Variants in OTUB2 observed in about 807,000 individuals in gnomAD.
OTUB2 encodes the protein OTU deubiquitinase, ubiquitin aldehyde binding 2, also known as ubiquitin thioesterase OTUB2.
Under a neutral mutation model 25.1 loss-of-function variants are expected in OTUB2, and 21 were observed. The observed-to-expected ratio is 0.84, with a 90% CI of 0.59 to 1.21. The LOEUF is 1.21. Ranked by LOEUF, OTUB2 falls within the 50% of genes most tolerant of loss-of-function variation. OTUB2 has a pLI of 0.00. For missense variants in OTUB2, 283 were observed against 298.0 expected (o/e 0.95, Z 0.37); for synonymous variants, 122 against 122.8 (o/e 0.99, Z 0.04).
At position 94,026,414 on chromosome 14, in the gene OTUB2, G is replaced by GC. The variant is rs1325521807; in HGVS notation, c.-119dup. On this transcript the variant is annotated 5_prime_UTR_variant, in exon 1 of 6. Coordinates refer to ENST00000203664, the MANE Select transcript of OTUB2 (RefSeq NM_023112.4). ...GGAGCGGTCGGGTGTATTCTCCGCC[G>GC]CCCCCACGCCCTCGAGGTCCCCGCC... 16 of 1,284,914 alleles carry GC rather than the reference G, an allele frequency of 1.2e-5. No homozygotes were observed. Among genetic ancestry groups the GC allele is most frequent in the Non-Finnish European group, 1.6e-5 (16 of 1,014,806 alleles). 79.6% of individuals were successfully genotyped at this position (1,284,914 alleles called of 1,614,324 possible). A position where few individuals can be genotyped will look rare whatever the true frequency, so the allele number is the denominator to read the frequency against.
At chr14:94,043,854 C>A in intron 3 of OTUB2, 117 bp from the exon 4 acceptor site, 1 of 890,368 alleles carries the variant, frequency 1.1e-6, no homozygotes, top group Non-Finnish European at 1.9e-6. Context: ...GGAGGTTCTG[C>A]GGCTGGACTA....
chr14:94,038,124 G>A (rs1885090907), intron 2 of OTUB2, among the ~76,000 whole-genome samples: 1 of 152,258 alleles, frequency 6.6e-6, no homozygotes, highest in African/African-American at 2.4e-5. Context: ...TCTCAGACAC[G>A]CAGCACCGTT....
In OTUB2 at chr14:94,045,765, T is replaced by C. The variant is rs559668753; in HGVS notation, c.548T>C (p.Leu183Ser). The C allele has an allele frequency of 1.1e-5, 18 of 1,614,094 alleles. No homozygotes were observed. The highest frequency in any genetic ancestry group is 1.5e-5 in the Non-Finnish European group (18 of 1,180,044). The change falls in exon 6 of 6, where the codon TTG becomes TCG. Residue 183 changes from leucine to serine, a missense_variant. Leu to Ser is a moderately radical substitution (Grantham distance 145). Coordinates refer to ENST00000203664, the MANE Select transcript of OTUB2 (RefSeq NM_023112.4). ...TECDHIQITA[L>S]SQALSIALQV... ...TGTGACCACATCCAGATCACGGCGTTGTCGCAGGCCCTGAGCATTGCCCTG... is the reference window on the plus strand; with the variant it reads ...TGTGACCACATCCAGATCACGGCGTCGTCGCAGGCCCTGAGCATTGCCCTG...
At chr14:94,037,544 G>T (rs1885080638) in intron 2 of OTUB2, 69 bp downstream of exon 2, 4 of 1,116,870 alleles carry the variant, frequency 3.6e-6, no homozygotes, top group East Asian at 5.4e-5. Context: ...TAATGGTGAT[G>T]CCTCTTTGAA....
intron 1 of OTUB2, among the ~76,000 whole-genome samples, chr14:94,032,757 AC>A (rs1884985844): frequency 1.3e-5 from 2 of 152,212 alleles, no homozygotes; most frequent in Admixed American, 6.5e-5. Flanking sequence ...CATAGAGACT[AC>A]CCATAGGGGC....
Position 94,047,841 on chromosome 14 carries a change from C to G in OTUB2, c.*1919C>G, listed in dbSNP as rs1202263528. On this transcript the variant is annotated 3_prime_UTR_variant, in exon 6 of 6. Coordinates refer to ENST00000203664, the MANE Select transcript of OTUB2 (RefSeq NM_023112.4). ...TTGGCAGACTGGCTGGAGAAATTCC[C>G]TCTAGGAGACTTGCCTGTGCTGTGC... 6.6e-6 allele frequency: 1 copy of G among 152,200 alleles called. No homozygotes were observed. Among genetic ancestry groups the G allele is most frequent in the Non-Finnish European group, 1.5e-5 (1 of 68,066 alleles). The allele number at this position is 152,200 out of a possible 1,614,324, so 9.4% of individuals were successfully genotyped here. A position where few individuals can be genotyped will look rare whatever the true frequency, so the allele number is the denominator to read the frequency against.
intron 3 of OTUB2, among the ~76,000 whole-genome samples, chr14:94,041,321 T>C (rs922199675): frequency 1.3e-5 from 2 of 151,938 alleles, no homozygotes; most frequent in African/African-American, 2.4e-5. Flanking sequence ...CCGGGAGCCA[T>C]AGAGTAGGGG....
chr14:94,038,810 T>C (rs1448658959), intron 2 of OTUB2, among the ~76,000 whole-genome samples, 153 bp from the exon 3 acceptor site: 1 of 152,096 alleles, frequency 6.6e-6, no homozygotes, highest in African/African-American at 2.4e-5. Context: ...ATCAGGGGAA[T>C]GAACGAGGGT....
At chr14:94,037,136 A>C (rs1050326894) in intron 1 of OTUB2, among the ~76,000 whole-genome samples, 3 of 152,240 alleles carry the variant, frequency 2.0e-5, no homozygotes, top group African/African-American at 7.2e-5. Context: ...TCCAGTAAAA[A>C]GATGAGTTTC....
chr14:94,032,038 G>C (rs942501354), intron 1 of OTUB2, among the ~76,000 whole-genome samples: 1 of 152,186 alleles, frequency 6.6e-6, no homozygotes, highest in South Asian at 2.1e-4. Flanking sequence ...GGGTTCTTCC[G>C]GGAGCTTGAG....
chr14:94,041,364 G>T (rs917411775), intron 3 of OTUB2, among the ~76,000 whole-genome samples: 3 of 152,020 alleles, frequency 2.0e-5, no homozygotes, highest in Admixed American at 2.0e-4. Context: ...TAAGGCTGGC[G>T]TTCAGCAGGC....
At chr14:94,026,678 C>T (rs1005401898) in intron 1 of OTUB2, 138 bp downstream of exon 1, 5 of 939,882 alleles carry the variant, frequency 5.3e-6, no homozygotes, top group Non-Finnish European at 6.9e-6. Flanking sequence ...CGCTTTCCGA[C>T]CCCCTGAAAT....
chr14:94,026,348 T>G lies in OTUB2; in HGVS notation c.-190T>G, dbSNP rs1039322952. 1 of 1,225,984 alleles carries G rather than the reference T, an allele frequency of 8.2e-7. No individual in the cohort carries two copies. Among genetic ancestry groups the G allele is most frequent in the Non-Finnish European group, 1.0e-6 (1 of 983,978 alleles). 75.9% of individuals were successfully genotyped at this position (1,225,984 alleles called of 1,614,324 possible). On this transcript the variant is annotated 5_prime_UTR_variant, in exon 1 of 6. Coordinates refer to ENST00000203664, the MANE Select transcript of OTUB2 (RefSeq NM_023112.4). The stretch of plus-strand genomic sequence containing the variant: ...CCTGAGACGTCAATCGCAGGGCGTG[T>G]GTCTTGCTGGGACACAGTGGAGGTC...
At chr14:94,032,745 G>C (rs1884985426) in intron 1 of OTUB2, among the ~76,000 whole-genome samples, 1 of 152,174 alleles carries the variant, frequency 6.6e-6, no homozygotes, top group Admixed American at 6.5e-5. Flanking sequence ...AGAAAGACAT[G>C]CCATAGAGAC....
intron 1 of OTUB2, among the ~76,000 whole-genome samples, chr14:94,034,928 G>C (rs1885023009): frequency 6.6e-6 from 1 of 152,228 alleles, no homozygotes; most frequent in Non-Finnish European, 1.5e-5. Flanking sequence ...AAATGGGAAA[G>C]AGGTAGGATT....
At position 94,026,450 on chromosome 14, in the gene OTUB2, C is replaced by A; in HGVS notation, c.-88C>A. On this transcript the variant is annotated 5_prime_UTR_variant, in exon 1 of 6. Coordinates refer to ENST00000203664, the MANE Select transcript of OTUB2 (RefSeq NM_023112.4). The stretch of plus-strand genomic sequence containing the variant: ...CTCGAGGTCCCCGCCACCGAACCAG[C>A]GGCGGAGCCCGCCCGCGCCTCCCGC... The A allele has an allele frequency of 7.6e-7, 1 of 1,316,142 alleles. No individual in the cohort carries two copies. The highest frequency in any genetic ancestry group is 2.1e-5 in the South Asian group (1 of 47,566). 81.5% of individuals were successfully genotyped at this position (1,316,142 alleles called of 1,614,324 possible). A position where few individuals can be genotyped will look rare whatever the true frequency, so the allele number is the denominator to read the frequency against.
intron 1 of OTUB2, among the ~76,000 whole-genome samples, chr14:94,037,094 T>C (rs3818116): frequency 0.47 from 70,948 of 151,984 alleles, 16,763 homozygotes; most frequent in African/African-American, 0.53. Context: ...TCGTTAAGTT[T>C]GAGGTACACA....
rs1884884317 is a variant in OTUB2, at chr14:94,027,300, A to C, written c.3+760A>C. Among the ~76,000 whole-genome samples the C allele has an allele frequency of 2.6e-5, 4 of 152,192 alleles. No homozygotes were observed. The South Asian group carries it at 8.3e-4, about 31-fold the overall frequency. Reference sequence around the variant, plus strand: ...AACCCAGGCTCTGGACTCTCAGTTCAGTGCTCTTTGTGTTACATCGGCTCA... The same window carrying C: ...AACCCAGGCTCTGGACTCTCAGTTCCGTGCTCTTTGTGTTACATCGGCTCA... On this transcript the variant is annotated intron_variant, in intron 1 of 5. Transcript: ENST00000203664.
chr14:94,030,879 A>C (rs1884950510), intron 1 of OTUB2, among the ~76,000 whole-genome samples: 1 of 152,168 alleles, frequency 6.6e-6, no homozygotes, highest in African/African-American at 2.4e-5. Flanking sequence ...GAAGACAAGA[A>C]AATAGATTCT....
Sources: allele counts gnomAD v4.1 joint callset (sites outside exome capture counted in the v4.1 genomes callset), GRCh38; gene constraint gnomAD v4.1.1; transcripts MANE v1.5; gene names NCBI Gene and HGNC (gene_info 2026-07-23, HGNC 2026-07-21).